RNF111: variants seen among roughly 807,000 people sequenced by gnomAD.
RNF111 encodes the protein ring finger protein 111.
In RNF111, 17 loss-of-function variants were observed where a neutral mutation model predicts 95.1. That is an observed-to-expected ratio of 0.18 (90% confidence interval 0.12 to 0.27). The LOEUF is 0.27. RNF111 is among the 10% of genes least tolerant of loss of function. The probability of loss-of-function intolerance (pLI) is 1.00; values close to 1 mark genes in which losing one functional copy is unlikely to be tolerated. For synonymous variants in RNF111, 440 were observed against 414.8 expected (o/e 1.06, Z -0.74); for missense variants, 1,189 against 1,210.4 (o/e 0.98, Z 0.26).
chr15:59,037,011 T>G (rs1224764574), intron 2 of RNF111, among the ~76,000 whole-genome samples: 1 of 151,894 alleles, frequency 6.6e-6, no homozygotes, highest in East Asian at 1.9e-4. Flanking sequence ...TTTTTTTTTT[T>G]TTTTTGGTAG....
At chr15:59,093,337 CTTTTTTTT>C (rs1236130195) in intron 13 of RNF111, 5 of 272,878 alleles carry the variant, frequency 1.8e-5, no homozygotes, top group Admixed American at 1.1e-4. Context: ...TTTACAGCAT[CTTTTTTTT>C]TTTTTTTTTT....
intron 1 of RNF111, among the ~76,000 whole-genome samples, chr15:59,015,508 CTT>C (rs1311466164): frequency 2.6e-5 from 4 of 152,086 alleles, no homozygotes; most frequent in African/African-American, 9.7e-5. Context: ...GTCTTTCTGA[CTT>C]TCCCTCTAGC....
intron 1 of RNF111, among the ~76,000 whole-genome samples, chr15:59,001,067 A>G (rs1454284952): frequency 6.6e-6 from 1 of 152,196 alleles, no homozygotes; most frequent in Non-Finnish European, 1.5e-5. Context: ...CAGGGAAGGT[A>G]TCATGGATAA....
intron 7 of RNF111, among the ~76,000 whole-genome samples, chr15:59,079,304 A>T (rs2078666844): frequency 6.6e-6 from 1 of 152,242 alleles, no homozygotes; most frequent in African/African-American, 2.4e-5. Context: ...CAATCATAAA[A>T]CATAGTGGAT....
intron 1 of RNF111, among the ~76,000 whole-genome samples, chr15:58,991,714 T>A (rs1365719729): frequency 1.3e-5 from 2 of 152,224 alleles, no homozygotes; most frequent in African/African-American, 4.8e-5. Context: ...TTCTAGAGAA[T>A]CTACAAATGT....
chr15:59,080,213 C>T (rs2078699163), intron 7 of RNF111, among the ~76,000 whole-genome samples: 1 of 150,732 alleles, frequency 6.6e-6, no homozygotes, highest in African/African-American at 2.4e-5. Flanking sequence ...CTCCACCTCC[C>T]AGGTTCAAGC....
At chr15:59,020,661 A>G (rs1012607103) in intron 1 of RNF111, among the ~76,000 whole-genome samples, 1 of 152,204 alleles carries the variant, frequency 6.6e-6, no homozygotes, top group Non-Finnish European at 1.5e-5. Context: ...GAAAATCATT[A>G]AGTTCACTGA....
intron 7 of RNF111, 76 bp downstream of exon 7, chr15:59,076,291 T>A (rs2140137123): frequency 6.7e-7 from 1 of 1,491,280 alleles, no homozygotes; most frequent in East Asian, 2.3e-5. Flanking sequence ...TGAAATAACC[T>A]TTAATCCCAG....
intron 11 of RNF111, among the ~76,000 whole-genome samples, chr15:59,090,767 G>A (rs2079030883): frequency 6.6e-6 from 1 of 152,162 alleles, no homozygotes. Context: ...CTGTCTATGA[G>A]AAACATTAAG....
At chr15:59,063,544 G>A (rs2042528936) in intron 5 of RNF111, among the ~76,000 whole-genome samples, 1 of 152,160 alleles carries the variant, frequency 6.6e-6, no homozygotes, top group African/African-American at 2.4e-5. Context: ...AATAGAAAAG[G>A]AAGTGTTTTA....
chr15:58,994,294 C>T (rs937814610), intron 1 of RNF111, among the ~76,000 whole-genome samples: 2 of 151,744 alleles, frequency 1.3e-5, no homozygotes, highest in Admixed American at 6.6e-5. Flanking sequence ...CCGCCTTGGC[C>T]TCCCAAAGTG....
chr15:59,056,221 TACTG>T (rs1342505485), intron 4 of RNF111, among the ~76,000 whole-genome samples: 2 of 152,210 alleles, frequency 1.3e-5, no homozygotes, highest in Non-Finnish European at 2.9e-5. Flanking sequence ...GAATGACTAA[TACTG>T]GCTGTTTGAA....
At chr15:59,060,145 C>T (rs1395969409) in intron 5 of RNF111, among the ~76,000 whole-genome samples, 1 of 152,144 alleles carries the variant, frequency 6.6e-6, no homozygotes, top group African/African-American at 2.4e-5. Flanking sequence ...GTAGCTAGGA[C>T]TACAGGTGTG....
At chr15:59,020,509 A>G (rs1218186350) in intron 1 of RNF111, among the ~76,000 whole-genome samples, 1 of 152,184 alleles carries the variant, frequency 6.6e-6, no homozygotes, top group Non-Finnish European at 1.5e-5. Flanking sequence ...TGTAATAATA[A>G]CAGAGTCATT....
At chr15:59,045,110 T>C (rs2041642883) in intron 2 of RNF111, among the ~76,000 whole-genome samples, 1 of 152,098 alleles carries the variant, frequency 6.6e-6, no homozygotes, top group Non-Finnish European at 1.5e-5. Context: ...CATTGAGGTT[T>C]CAAAATGTTA....
At chr15:59,033,961 A>T (rs1299676369) in intron 2 of RNF111, among the ~76,000 whole-genome samples, 10 of 152,342 alleles carry the variant, frequency 6.6e-5, no homozygotes, top group Admixed American at 1.3e-4. Context: ...TGATTTAATA[A>T]CATTCACACG....
intron 1 of RNF111, among the ~76,000 whole-genome samples, chr15:59,006,829 C>T (rs1241855166): frequency 1.3e-5 from 2 of 152,114 alleles, no homozygotes; most frequent in Non-Finnish European, 2.9e-5. Context: ...CTCTGTCGCC[C>T]AGGCTGGAGT....
intron 2 of RNF111, among the ~76,000 whole-genome samples, chr15:59,039,740 C>T (rs972895236): frequency 1.0e-4 from 15 of 149,934 alleles, no homozygotes; most frequent in East Asian, 5.8e-4. Context: ...TTTTTTGAGA[C>T]GGAGTCTTGT....
chr15:59,006,849 T>A (rs2039563064), intron 1 of RNF111, among the ~76,000 whole-genome samples: 1 of 152,194 alleles, frequency 6.6e-6, no homozygotes, highest in East Asian at 1.9e-4. Flanking sequence ...TGCAATGGCA[T>A]GATCTTGGCT....
Sources: allele counts gnomAD v4.1 joint callset (sites outside exome capture counted in the v4.1 genomes callset), GRCh38; gene constraint gnomAD v4.1.1; transcripts MANE v1.5; gene names NCBI Gene and HGNC (gene_info 2026-07-23, HGNC 2026-07-21).